The following EFNA2 variants were observed in gnomAD, a reference collection of about 807,000 sequenced individuals.
The protein encoded by EFNA2 is ephrin-A2.
In EFNA2, 18 loss-of-function variants were observed where a neutral mutation model predicts 19.7. The observed-to-expected ratio is 0.91, with a 90% CI of 0.63 to 1.35. EFNA2 has a LOEUF of 1.35. EFNA2 is among the 40% of genes most tolerant of loss of function. The pLI is 0.00. For synonymous variants in EFNA2, 187 were observed against 137.8 expected (o/e 1.36, Z -2.50); for missense variants, 303 against 296.0 (o/e 1.02, Z -0.17).
chr19:1,296,167 T>G lies in EFNA2; in HGVS notation c.454+309T>G, dbSNP rs2144622294. 6.6e-6 allele frequency among the ~76,000 whole-genome samples: 1 copy of G among 152,346 alleles called. No individual in the cohort carries two copies. The highest frequency in any genetic ancestry group is 2.1e-4 in the South Asian group (1 of 4,828). ...CCCAACCATCCCGGGAGGCCAGGAC[T>G]TTCCTCGTCCTTCGTTGCATATGGG... On this transcript the variant is annotated intron_variant, in intron 2 of 3. Transcript: ENST00000215368. The surrounding 1 kb of genome is among the most constrained non-coding windows in gnomAD (Gnocchi z 4.4).
chr19:1,294,727 C>T lies in EFNA2; in HGVS notation c.141-818C>T, dbSNP rs977589220. Among the ~76,000 whole-genome samples the T allele has an allele frequency of 1.3e-5, 2 of 151,864 alleles. No homozygotes were observed. The highest frequency in any genetic ancestry group is 2.9e-5 in the Non-Finnish European group (2 of 67,966). On this transcript the variant is annotated intron_variant, in intron 1 of 3. Coordinates refer to ENST00000215368, the MANE Select transcript of EFNA2 (RefSeq NM_001405.4). The surrounding 1 kb of genome is among the most constrained non-coding windows in gnomAD (Gnocchi z 5.8). ...GAGAGGAGGGTGGAGGGATTCTTCA[C>T]GCCAAGCTCCGTTCTCTTTGGGGAA...
chr19:1,291,953 C>A (rs1369186931), intron 1 of EFNA2, among the ~76,000 whole-genome samples: 1 of 152,190 alleles, frequency 6.6e-6, no homozygotes, highest in African/African-American at 2.4e-5. Flanking sequence ...GAAGGTGTGG[C>A]CCGGCAGAGG....
rs1015408191 is a variant in EFNA2, at chr19:1,298,542, C to G, written c.455-9C>G. The G allele has an allele frequency of 1.2e-6, 2 of 1,613,730 alleles. No individual in the cohort carries two copies. Among genetic ancestry groups the G allele is most frequent in the African/African-American group, 2.7e-5 (2 of 74,918 alleles). ...ACTTCCCCACTCATCCCCATCCCCT[C>G]TCTTCTAGCTGCCACGCCTCCCAAT... On this transcript the variant is annotated splice_polypyrimidine_tract_variant and intron_variant, in intron 2 of 3. Transcript: ENST00000215368.
chr19:1,290,604 T>G (rs11878717), intron 1 of EFNA2, among the ~76,000 whole-genome samples: 224 of 152,138 alleles, frequency 1.5e-3, no homozygotes, highest in African/African-American at 5.3e-3. Context: ...TCCATGAGGG[T>G]CCTGCCCCGG....
In EFNA2 at chr19:1,296,134, G is replaced by T. The variant is rs1393070129; in HGVS notation, c.454+276G>T. ...CAGATGTCAAGTGCATGATGGACGT[G>T]CCATTCTCCCAACCATCCCGGGAGG... On this transcript the variant is annotated intron_variant, in intron 2 of 3. Coordinates refer to ENST00000215368, the MANE Select transcript of EFNA2 (RefSeq NM_001405.4). The surrounding 1 kb of genome is among the most constrained non-coding windows in gnomAD (Gnocchi z 4.4). 6.6e-6 allele frequency among the ~76,000 whole-genome samples: 1 copy of T among 152,222 alleles called. No homozygotes were observed. The highest frequency in any genetic ancestry group is 1.5e-5 in the Non-Finnish European group (1 of 68,022).
In EFNA2 at chr19:1,286,448, GC is replaced by G. The variant is rs925169767; in HGVS notation, c.140+146del. On this transcript the variant is annotated intron_variant, in intron 1 of 3. Coordinates refer to ENST00000215368, the MANE Select transcript of EFNA2 (RefSeq NM_001405.4). The surrounding 1 kb of genome is among the most constrained non-coding windows in gnomAD (Gnocchi z 5.6). The stretch of plus-strand genomic sequence containing the variant: ...ATGCGGGCGCCCGGTTCCCGCGGGA[GC>G]CCCCCAGGGAGCTCCGGCCCCCCGG... 1 of 191,204 alleles carries G rather than the reference GC, an allele frequency of 5.2e-6. No individual in the cohort carries two copies. The highest frequency in any genetic ancestry group is 9.6e-6 in the Non-Finnish European group (1 of 104,468). The allele number at this position is 191,204 out of a possible 1,614,324, so 11.8% of individuals were successfully genotyped here. A position where few individuals can be genotyped will look rare whatever the true frequency, so the allele number is the denominator to read the frequency against.
At chr19:1,284,884 C>A (rs191546858), upstream of EFNA2, among the ~76,000 whole-genome samples, 2 of 152,348 alleles carry the variant, frequency 1.3e-5, no homozygotes, top group East Asian at 3.9e-4. The surrounding 1 kb of genome is among the most constrained non-coding windows in gnomAD (Gnocchi z 5.3). Context: ...GTCCAGCCAG[C>A]GTTTGATGAC....
chr19:1,298,537 C>T lies in EFNA2; in HGVS notation c.455-14C>T. 3.1e-6 allele frequency: 5 copies of T among 1,613,622 alleles called. No individual in the cohort carries two copies. The highest frequency in any genetic ancestry group is 4.2e-6 in the Non-Finnish European group (5 of 1,179,838). On this transcript the variant is annotated splice_polypyrimidine_tract_variant and intron_variant, in intron 2 of 3. Transcript: ENST00000215368. ...GAGGCACTTCCCCACTCATCCCCAT[C>T]CCCTCTCTTCTAGCTGCCACGCCTC...
At position 1,298,636 on chromosome 19, in the gene EFNA2, G is replaced by C. The variant is rs756990045; in HGVS notation, c.520+20G>C. Reference sequence around the variant, plus strand: ...CGACCAGTAAGTGCTCAGGGGGATGGGCAGGATCCAGGCCCCCACCCCTGT... The same window carrying C: ...CGACCAGTAAGTGCTCAGGGGGATGCGCAGGATCCAGGCCCCCACCCCTGT... On this transcript the variant is annotated intron_variant, in intron 3 of 3. Transcript: ENST00000215368. 4 of 1,613,096 alleles carry C rather than the reference G, an allele frequency of 2.5e-6. No homozygotes were observed. Among genetic ancestry groups the C allele is most frequent in the Non-Finnish European group, 3.4e-6 (4 of 1,179,646 alleles).
Position 1,298,535 on chromosome 19 carries a change from A to T in EFNA2, c.455-16A>T. ...AAGAGGCACTTCCCCACTCATCCCCATCCCCTCTCTTCTAGCTGCCACGCC... is the reference window on the plus strand; with the variant it reads ...AAGAGGCACTTCCCCACTCATCCCCTTCCCCTCTCTTCTAGCTGCCACGCC... On this transcript the variant is annotated splice_polypyrimidine_tract_variant and intron_variant, in intron 2 of 3. Transcript: ENST00000215368. 2 of 1,613,492 alleles carry T rather than the reference A, an allele frequency of 1.2e-6. No individual in the cohort carries two copies. Among genetic ancestry groups the T allele is most frequent in the Non-Finnish European group, 1.7e-6 (2 of 1,179,774 alleles).
Position 1,286,003 on chromosome 19 carries a change from G to A in EFNA2, c.-166G>A, listed in dbSNP as rs1479547399. Among the ~76,000 whole-genome samples the A allele has an allele frequency of 6.9e-6, 1 of 145,444 alleles. No homozygotes were observed. Among genetic ancestry groups the A allele is most frequent in the African/African-American group, 2.5e-5 (1 of 40,618 alleles). ...GCCGCCTGACTTCTCGGCGCCCGAG[G>A]TCGCGCGCGCGGAGGCGGGGGCGGC... On this transcript the variant is annotated 5_prime_UTR_variant, in exon 1 of 4. Transcript: ENST00000215368. The surrounding 1 kb of genome is among the most constrained non-coding windows in gnomAD (Gnocchi z 5.6).
rs1300937796 is a variant in EFNA2 at position 1,298,794 on chromosome 19, G to C, written c.520+178G>C. On this transcript the variant is annotated intron_variant, in intron 3 of 3. Transcript: ENST00000215368. ...AACATGTCAGACCTTCGAGAGTGAA[G>C]GTTAGCTGAGCGCAGTGGCTCACGC... Among the ~76,000 whole-genome samples, 3 of 152,334 alleles carry C rather than the reference G, an allele frequency of 2.0e-5. 1 individual carries two copies. In the South Asian group the frequency reaches 6.2e-4, roughly 32 times the overall value.
At position 1,297,641 on chromosome 19, in the gene EFNA2, C is replaced by T. The variant is rs117809607; in HGVS notation, c.455-910C>T. Reference sequence around the variant, plus strand: ...TTGTCCACACGTGTGCACACCCCAGCGGCCCCGGCTTCAGGCGTCCTTTTC... The same window carrying T: ...TTGTCCACACGTGTGCACACCCCAGTGGCCCCGGCTTCAGGCGTCCTTTTC... On this transcript the variant is annotated intron_variant, in intron 2 of 3. Coordinates refer to ENST00000215368, the MANE Select transcript of EFNA2 (RefSeq NM_001405.4). The surrounding 1 kb of genome is among the most constrained non-coding windows in gnomAD (Gnocchi z 5.0). Among the ~76,000 whole-genome samples the T allele has an allele frequency of 2.4e-3, 366 of 152,112 alleles. 7 individuals carry two copies. The East Asian group carries it at 0.068, about 28-fold the overall frequency.
chr19:1,287,926 C>T lies in EFNA2; in HGVS notation c.140+1618C>T, dbSNP rs1051617712. 2.6e-5 allele frequency among the ~76,000 whole-genome samples: 4 copies of T among 152,234 alleles called. No homozygotes were observed. Among genetic ancestry groups the T allele is most frequent in the African/African-American group, 9.6e-5 (4 of 41,460 alleles). ...TCACCAGGGCCGTCCTGCTGCCCCA[C>T]CTGCCACAGGGCTGTGGGCTGCGGG... On this transcript the variant is annotated intron_variant, in intron 1 of 3. Coordinates refer to ENST00000215368, the MANE Select transcript of EFNA2 (RefSeq NM_001405.4). This position sits in a 1 kb window ranked among gnomAD's most constrained non-coding sequence, Gnocchi z 6.2.
In EFNA2 at chr19:1,300,804, C is replaced by T. The variant is rs1568874020; in HGVS notation, c.*859C>T. Reference sequence around the variant, plus strand: ...TTTGGCCGATGCAAACAGCCCCCTACCCGTCCCCCTCGCCTCACACGGTCC... The same window carrying T: ...TTTGGCCGATGCAAACAGCCCCCTATCCGTCCCCCTCGCCTCACACGGTCC... On this transcript the variant is annotated 3_prime_UTR_variant, in exon 4 of 4. Transcript: ENST00000215368. Among the ~76,000 whole-genome samples the T allele has an allele frequency of 6.6e-6, 1 of 152,200 alleles. No homozygotes were observed. Among genetic ancestry groups the T allele is most frequent in the South Asian group, 2.1e-4 (1 of 4,832 alleles).
At chr19:1,292,809 C>A (rs1161770544) in intron 1 of EFNA2, among the ~76,000 whole-genome samples, 1 of 152,206 alleles carries the variant, frequency 6.6e-6, no homozygotes, top group East Asian at 1.9e-4. Flanking sequence ...GGAGGCTGGG[C>A]CCCGGCAGAC....
chr19:1,290,840 A>AGCC (rs1488063607), intron 1 of EFNA2, among the ~76,000 whole-genome samples: 10 of 152,108 alleles, frequency 6.6e-5, no homozygotes, highest in Non-Finnish European at 1.2e-4. Flanking sequence ...GGAGCAGACG[A>AGCC]GCCGGCGGGG....
intron 1 of EFNA2, among the ~76,000 whole-genome samples, chr19:1,290,233 C>A (rs2081485117): frequency 6.6e-6 from 1 of 152,136 alleles, no homozygotes; most frequent in Non-Finnish European, 1.5e-5. Context: ...GAGGCAGCTC[C>A]TGTGGTGGGG....
chr19:1,290,500 G>T (rs997987055), intron 1 of EFNA2, among the ~76,000 whole-genome samples: 1 of 152,190 alleles, frequency 6.6e-6, no homozygotes, highest in African/African-American at 2.4e-5. Flanking sequence ...CTGGCCCTAC[G>T]TGGGTCCCTC....
Sources: gnomAD v4.1 joint callset for allele counts (sites outside exome capture counted in the v4.1 genomes callset) on GRCh38, gnomAD v4.1.1 for gene constraint, Gnocchi (gnomAD v3.1) non-coding constraint, MANE v1.5 for transcripts, NCBI Gene and HGNC (gene_info 2026-07-23, HGNC 2026-07-21) for gene names.